AZGP1: variants seen among roughly 807,000 people sequenced by gnomAD.
The protein encoded by AZGP1 is zinc-alpha-2-glycoprotein.
A neutral mutation model predicts 31.5 loss-of-function variants in AZGP1; 28 were observed. The ratio of observed to expected loss-of-function variants is 0.89; its 90% confidence interval spans 0.66 to 1.22. The LOEUF is 1.22. AZGP1 is among the 50% of genes most tolerant of loss of function. The pLI, the probability that AZGP1 is intolerant of heterozygous loss-of-function variation, is 0.00. For missense variants in AZGP1, 361 were observed against 371.8 expected (o/e 0.97, Z 0.24); for synonymous variants, 135 against 145.4 (o/e 0.93, Z 0.51).
intron 3 of AZGP1, chr7:99,967,646 T>A (rs1789505986): frequency 2.4e-6 from 1 of 420,594 alleles, no homozygotes; most frequent in Admixed American, 4.2e-5. Context: ...CACTGCACAA[T>A]CCTGAGTCTC....
rs751369711 is a variant in AZGP1, at chr7:99,967,148, C to G, written c.752G>C (p.Arg251Pro). 4 of 1,614,178 alleles carry G rather than the reference C, an allele frequency of 2.5e-6. No individual in the cohort carries two copies. Among genetic ancestry groups the G allele is most frequent in the East Asian group, 2.2e-5 (1 of 44,872 alleles). ...ATTTCCATTGTGAAGAACATCTCCC[C>G]GTAACTCAGGCTCCTGCACCTCGCC... ...RAGEVQEPELRGDVLHNGNGT... is the reference protein window; with the variant it reads ...RAGEVQEPELPGDVLHNGNGT... Residue 251 changes from arginine (R) to proline (P), a missense_variant, in exon 4 of 4, where the codon CGG (arginine) becomes CCG (proline). Physicochemically the swap from Arg to Pro is moderately radical, Grantham distance 103. Transcript: ENST00000292401.
At chr7:99,967,614 T>A (rs1789505633) in intron 3 of AZGP1, 1 of 456,330 alleles carries the variant, frequency 2.2e-6, no homozygotes, top group African/African-American at 2.0e-5. Context: ...CATGCCTCTA[T>A]CCAGCAACCA....
At chr7:99,968,576 G>A (rs1336089892) in intron 2 of AZGP1, 146 bp from the exon 3 acceptor site, 2 of 1,000,836 alleles carry the variant, frequency 2.0e-6, no homozygotes, top group Admixed American at 4.7e-5. Context: ...AGACAAATAG[G>A]TTATTACTCC....
rs564480036 is a variant in AZGP1, at chr7:99,969,232, G to A, written c.338-802C>T. Among the ~76,000 whole-genome samples, 199 of 151,670 alleles carry A rather than the reference G, an allele frequency of 1.3e-3. 1 individual carries two copies. The highest frequency in any genetic ancestry group is 3.4e-3 in the Middle Eastern group (1 of 294). On this transcript the variant is annotated intron_variant, in intron 2 of 3. Transcript: ENST00000292401. Reference sequence around the variant, plus strand: ...GAGACCAGCCTGGCCAACATGGTAAGACCTCATCTCTACTAAAAATACAAA... The same window carrying A: ...GAGACCAGCCTGGCCAACATGGTAAAACCTCATCTCTACTAAAAATACAAA...
At chr7:99,967,458 C>T (rs894693119) in intron 3 of AZGP1, 172 bp from the exon 4 acceptor site, 3 of 725,424 alleles carry the variant, frequency 4.1e-6, no homozygotes, top group Non-Finnish European at 6.7e-6. Context: ...TGACGCTTTC[C>T]CTCTTGCCCA....
rs78932884 is a variant in AZGP1, at chr7:99,970,699, C to T, written c.337+1047G>A. ...TCCTATTGCTGACACACAGCCTGGG[C>T]CATTTTCCTTACCAAGACCTCCCCC... is the stretch of plus-strand genomic sequence containing the variant. On this transcript the variant is annotated intron_variant, in intron 2 of 3. Coordinates refer to ENST00000292401, the MANE Select transcript of AZGP1 (RefSeq NM_001185.4). Among the ~76,000 whole-genome samples the T allele has an allele frequency of 1.1e-3, 160 of 152,226 alleles. 1 individual carries two copies. The East Asian group carries it at 0.021, about 20-fold the overall frequency.
rs145427176 is a variant in AZGP1 at position 99,968,307 on chromosome 7, C to T, written c.461G>A (p.Trp154Ter). 3.2e-5 allele frequency: 52 copies of T among 1,613,770 alleles called. No homozygotes were observed. In the African/African-American group the frequency reaches 4.7e-4, roughly 15 times the overall value. The part of the protein sequence containing the change: ...YIEFNKEIPA[W>*]VPFDPAAQIT... ...CTGGGCTGCTGGGTCGAAGGGGACC[C>T]AGGCTGGGATTTCTTTGTTGAATTC... The change falls in exon 3 of 4, where the codon TGG becomes TAG. Residue 154 changes from tryptophan to a stop codon, truncating the protein, a stop_gained. Coordinates refer to ENST00000292401, the MANE Select transcript of AZGP1 (RefSeq NM_001185.4). LOFTEE classifies it high-confidence loss of function.
rs181767555 is a variant in AZGP1 at position 99,971,691 on chromosome 7, G to A, written c.337+55C>T. On this transcript the variant is annotated intron_variant, in intron 2 of 3. Transcript: ENST00000292401. ...TGCTGATCCCTTGCCACTCACACTGGGGGGGCTGCCTCTTGGGTTAGACCT... is the reference window on the plus strand; with the variant it reads ...TGCTGATCCCTTGCCACTCACACTGAGGGGGCTGCCTCTTGGGTTAGACCT... 201 of 1,570,316 alleles carry A rather than the reference G, an allele frequency of 1.3e-4. 1 individual carries two copies. The Middle Eastern group carries it at 1.8e-3, about 14-fold the overall frequency.
chr7:99,974,184 G>C (rs1010624138), intron 1 of AZGP1, among the ~76,000 whole-genome samples: 1 of 151,762 alleles, frequency 6.6e-6, no homozygotes, highest in Non-Finnish European at 1.5e-5. Context: ...AACAGGCGGA[G>C]GTTTGCAGTA....
Position 99,966,939 on chromosome 7 carries a change from C to T in AZGP1, c.*64G>A, listed in dbSNP as rs1804903. 25 of 1,566,830 alleles carry T rather than the reference C, an allele frequency of 1.6e-5. No individual in the cohort carries two copies. Among genetic ancestry groups the T allele is most frequent in the Non-Finnish European group, 1.7e-5 (20 of 1,152,988 alleles). On this transcript the variant is annotated 3_prime_UTR_variant, in exon 4 of 4. Transcript: ENST00000292401. ...GACTGTGATTTCTGTGGTTCAGCTCCCACATCAGGCAGGAAGGGCAGCTAC... is the reference window on the plus strand; with the variant it reads ...GACTGTGATTTCTGTGGTTCAGCTCTCACATCAGGCAGGAAGGGCAGCTAC...
chr7:99,975,916 A>G, intron 1 of AZGP1, 29 bp downstream of exon 1: 2 of 1,612,266 alleles, frequency 1.2e-6, no homozygotes, highest in Non-Finnish European at 1.7e-6. Flanking sequence ...AGTCCTCTCC[A>G]GCACCCATCC....
In AZGP1 at chr7:99,967,291, G is replaced by A; in HGVS notation, c.614-5C>T. 1 of 1,610,600 alleles carries A rather than the reference G, an allele frequency of 6.2e-7. No individual in the cohort carries two copies. Among genetic ancestry groups the A allele is most frequent in the South Asian group, 1.1e-5 (1 of 90,828 alleles). On this transcript the variant is annotated splice_polypyrimidine_tract_variant and splice_region_variant and intron_variant, in intron 3 of 3. Transcript: ENST00000292401. Reference sequence around the variant, plus strand: ...TGACCACCACAGAGGGAGGATCTGTGGAGGGATAGAGTGTGACACTGCAGG... The same window carrying A: ...TGACCACCACAGAGGGAGGATCTGTAGAGGGATAGAGTGTGACACTGCAGG...
rs1260468478 is a variant in AZGP1 at position 99,970,641 on chromosome 7, AGT to A, written c.337+1103_337+1104del. 4.0e-5 allele frequency among the ~76,000 whole-genome samples: 6 copies of A among 151,414 alleles called. No homozygotes were observed. The East Asian group carries it at 1.2e-3, about 29-fold the overall frequency. On this transcript the variant is annotated intron_variant, in intron 2 of 3. Transcript: ENST00000292401. ...ATTCCTGTCCATCAATGCTTCCCCC[AGT>A]GTCTTTTCTGATCACCTGTGCCCCC...
chr7:99,968,339 G>GT lies in AZGP1; in HGVS notation c.428dup (p.Asp143GlufsTer4). 2 of 1,613,632 alleles carry GT rather than the reference G, an allele frequency of 1.2e-6. No individual in the cohort carries two copies. Among genetic ancestry groups the GT allele is most frequent in the Non-Finnish European group, 1.7e-6 (2 of 1,179,964 alleles). Reference sequence around the variant, plus strand: ...GGATTTCTTTGTTGAATTCAATGTAGTCCTTTCCATCATAGTAATATTTCC... The same window carrying GT: ...GGATTTCTTTGTTGAATTCAATGTAGTTCCTTTCCATCATAGTAATATTTCC... On this transcript the variant is annotated frameshift_variant, in exon 3 of 4. Transcript: ENST00000292401. LOFTEE classifies it high-confidence loss of function.
intron 1 of AZGP1, among the ~76,000 whole-genome samples, chr7:99,974,251 A>G (rs184706472): frequency 6.6e-6 from 1 of 152,126 alleles, no homozygotes; most frequent in East Asian, 1.9e-4. Flanking sequence ...ATCCATCTCA[A>G]AAATAATAAT....
chr7:99,970,171 A>G (rs1004586230), intron 2 of AZGP1, among the ~76,000 whole-genome samples: 3 of 152,132 alleles, frequency 2.0e-5, no homozygotes, highest in Non-Finnish European at 4.4e-5. Context: ...TGAGCATTAT[A>G]TATGCTCATA....
chr7:99,970,389 G>T (rs746886293), intron 2 of AZGP1, among the ~76,000 whole-genome samples: 12 of 151,954 alleles, frequency 7.9e-5, no homozygotes, highest in African/African-American at 2.9e-4. Context: ...GACCACAGAC[G>T]TGTGCCACCA....
chr7:99,969,974 A>T (rs1156985324), intron 2 of AZGP1, among the ~76,000 whole-genome samples: 1 of 152,188 alleles, frequency 6.6e-6, no homozygotes, highest in Non-Finnish European at 1.5e-5. Context: ...TTTACCCAGC[A>T]CTGGTTGGTG....
intron 3 of AZGP1, 128 bp downstream of exon 3, chr7:99,968,027 G>T: frequency 8.0e-7 from 1 of 1,252,858 alleles, no homozygotes; most frequent in Non-Finnish European, 1.1e-6. Flanking sequence ...AATCCTAAAA[G>T]ATGAAAGCTG....
Sources: allele counts gnomAD v4.1 joint callset (sites outside exome capture counted in the v4.1 genomes callset), GRCh38; gene constraint gnomAD v4.1.1; transcripts MANE v1.5; gene names NCBI Gene and HGNC (gene_info 2026-07-23, HGNC 2026-07-21).